HAO1: variants seen among roughly 807,000 people sequenced by gnomAD.
HAO1 encodes hydroxyacid oxidase 1, also known as 2-Hydroxyacid oxidase 1.
In HAO1, 34 loss-of-function variants were observed where a neutral mutation model predicts 39.7. The ratio of observed to expected loss-of-function variants is 0.86; its 90% CI spans 0.65 to 1.14. The LOEUF is 1.14. HAO1 is among the 50% of genes most tolerant of loss of function. The probability of loss-of-function intolerance (pLI) is 0.00; values close to 1 mark genes in which losing one functional copy is unlikely to be tolerated. For missense variants in HAO1, 479 were observed against 464.5 expected, an observed-to-expected ratio of 1.03 and a Z score of -0.29; for synonymous variants, 172 against 173.2, an observed-to-expected ratio of 0.99 and a Z score of 0.05.
At chr20:7,934,240 A>G (rs1377444016) in intron 2 of HAO1, among the ~76,000 whole-genome samples, 1 of 152,196 alleles carries the variant, frequency 6.6e-6, no homozygotes, top group Non-Finnish European at 1.5e-5. Flanking sequence ...TGAGGCAGGT[A>G]CAATTTTTGT....
In HAO1 at chr20:7,940,293, A is replaced by T. The variant is rs1184362732; in HGVS notation, c.130T>A (p.Phe44Ile). 1 of 1,600,162 alleles carries T rather than the reference A, an allele frequency of 6.2e-7. No individual in the cohort carries two copies. The change falls in exon 1 of 8, where the codon TTT becomes ATT. Residue 44 changes from phenylalanine (F) to isoleucine (I), a missense_variant. Phe to Ile is a conservative substitution (Grantham distance 21). Transcript: ENST00000378789. ...EETLADNIAA[F>I]SRWKLYPRML... ...AAAAATAAATTTTCTTACCTGGAAA[A>T]TGCTGCAATATTATCAGCCAAAGTT... is the stretch of plus-strand genomic sequence containing the variant.
chr20:7,903,315 C>G (rs1461700540), intron 4 of HAO1, among the ~76,000 whole-genome samples: 4 of 144,774 alleles, frequency 2.8e-5, no homozygotes, highest in African/African-American at 1.0e-4. Flanking sequence ...TGAGCTTTCT[C>G]TAATTAGATA....
At chr20:7,918,202 G>C (rs1371715446) in intron 2 of HAO1, among the ~76,000 whole-genome samples, 1 of 152,132 alleles carries the variant, frequency 6.6e-6, no homozygotes. Flanking sequence ...CTTCTCCCCA[G>C]AACAAATATG....
At position 7,905,084 on chromosome 20, in the gene HAO1, CAT is replaced by C. The variant is rs369008293; in HGVS notation, c.721+1068_721+1069del. Among the ~76,000 whole-genome samples, 689 of 152,302 alleles carry C rather than the reference CAT, an allele frequency of 4.5e-3. 7 individuals carry two copies. Among genetic ancestry groups the C allele is most frequent in the African/African-American group, 0.016 (658 of 41,562 alleles). ...AGATGACGGATATGCTAATTACCCT[CAT>C]ATGATTACTACACATTGTAGGTATT... On this transcript the variant is annotated intron_variant, in intron 4 of 7. Coordinates refer to ENST00000378789, the MANE Select transcript of HAO1 (RefSeq NM_017545.3).
rs139079813 is a variant in HAO1, at chr20:7,918,553, T to C, written c.290-4134A>G. Among the ~76,000 whole-genome samples the C allele has an allele frequency of 2.0e-3, 307 of 152,308 alleles. 2 individuals carry two copies. Among genetic ancestry groups the C allele is most frequent in the African/African-American group, 6.7e-3 (279 of 41,580 alleles). ...TGCTTCAATATGTCATCACTTCCTT[T>C]TCTCCCCAAGGAATCCCCAGACTTC... On this transcript the variant is annotated intron_variant, in intron 2 of 7. Transcript: ENST00000378789.
chr20:7,906,766 TA>T (rs1208473162), intron 3 of HAO1, among the ~76,000 whole-genome samples: 6 of 152,208 alleles, frequency 3.9e-5, no homozygotes, highest in African/African-American at 1.4e-4. Context: ...AATTTTTCTT[TA>T]AAAGACTCTT....
chr20:7,885,879 G>A lies in HAO1; in HGVS notation c.814-15C>T, dbSNP rs747000022. The A allele has an allele frequency of 1.2e-6, 2 of 1,607,292 alleles. No homozygotes were observed. The highest frequency in any genetic ancestry group is 1.7e-6 in the Non-Finnish European group (2 of 1,174,170). ...AGAACATCAATCTGGGGAAAGAAAA[G>A]TTCAATAATGTGACTCTATTAACAC... On this transcript the variant is annotated splice_polypyrimidine_tract_variant and intron_variant, in intron 5 of 7. Coordinates refer to ENST00000378789, the MANE Select transcript of HAO1 (RefSeq NM_017545.3).
At chr20:7,929,109 T>A (rs1268071046) in intron 2 of HAO1, among the ~76,000 whole-genome samples, 1 of 152,116 alleles carries the variant, frequency 6.6e-6, no homozygotes, top group African/African-American at 2.4e-5. Context: ...CAATTTCATC[T>A]TTTTTGGACA....
rs139572770 is a variant in HAO1 at position 7,901,516 on chromosome 20, G to A, written c.721+4638C>T. 9.1e-3 allele frequency among the ~76,000 whole-genome samples: 1,390 copies of A among 152,202 alleles called. 17 individuals are homozygous for A. Among genetic ancestry groups the A allele is most frequent in the African/African-American group, 0.03 (1,261 of 41,516 alleles). On this transcript the variant is annotated intron_variant, in intron 4 of 7. Coordinates refer to ENST00000378789, the MANE Select transcript of HAO1 (RefSeq NM_017545.3). ...TACTAAATATGTTAAGCCCACTGTC[G>A]AGACCTGCTGCTCAGAAAAAAAAAG...
At chr20:7,891,824 A>G (rs2050175568) in intron 5 of HAO1, among the ~76,000 whole-genome samples, 1 of 152,166 alleles carries the variant, frequency 6.6e-6, no homozygotes, top group Non-Finnish European at 1.5e-5. Flanking sequence ...ATTTGATTTC[A>G]GTAGATTTAT....
chr20:7,894,141 C>A (rs1220798381), intron 5 of HAO1, among the ~76,000 whole-genome samples: 4 of 152,156 alleles, frequency 2.6e-5, no homozygotes, highest in African/African-American at 9.6e-5. Context: ...CCAACGGCCC[C>A]CGGCCCCCAT....
chr20:7,912,911 G>A (rs967960091), intron 3 of HAO1, among the ~76,000 whole-genome samples: 1 of 152,138 alleles, frequency 6.6e-6, no homozygotes, highest in Non-Finnish European at 1.5e-5. Context: ...TGGCTCAACA[G>A]CAAGATTTTA....
chr20:7,930,245 C>CA (rs368447837), intron 2 of HAO1, among the ~76,000 whole-genome samples: 54 of 143,554 alleles, frequency 3.8e-4, no homozygotes, highest in Middle Eastern at 3.4e-3. Context: ...AGGAGGGTAA[C>CA]AAAAAAAAAA....
chr20:7,911,591 C>T (rs988654190), intron 3 of HAO1, among the ~76,000 whole-genome samples: 1 of 152,114 alleles, frequency 6.6e-6, no homozygotes, highest in Non-Finnish European at 1.5e-5. Flanking sequence ...AACCCCCTTG[C>T]CATTAATAAT....
intron 3 of HAO1, among the ~76,000 whole-genome samples, chr20:7,910,879 C>G (rs2050276284): frequency 6.6e-6 from 1 of 152,194 alleles, no homozygotes; most frequent in African/African-American, 2.4e-5. Context: ...ACTGACCTCT[C>G]TCCCCTGCCC....
intron 2 of HAO1, among the ~76,000 whole-genome samples, chr20:7,922,269 A>G (rs1159282361): frequency 6.6e-6 from 1 of 152,182 alleles, no homozygotes; most frequent in Non-Finnish European, 1.5e-5. Context: ...AACTGTTAGA[A>G]TGGTTATTAT....
Position 7,906,294 on chromosome 20 carries a change from G to GA in HAO1, c.580dup (p.Ser194PhefsTer3). ...GTCGTCTCCAAAATTTTCCTCAGGA[G>GA]AAAATGATAAAGTACTGGTTTCAAA... On this transcript the variant is annotated frameshift_variant, in exon 4 of 8. Transcript: ENST00000378789. LOFTEE classifies it high-confidence loss of function. The GA allele has an allele frequency of 6.2e-7, 1 of 1,611,516 alleles. No individual in the cohort carries two copies. Among genetic ancestry groups the GA allele is most frequent in the African/African-American group, 1.3e-5 (1 of 74,982 alleles).
Position 7,883,486 on chromosome 20 carries a change from T to A in HAO1, c.*107A>T, listed in dbSNP as rs2050136859. ...TGTTGGAAAAGAACGACACCCTTTG[T>A]ATTGAAGTGGGGAATTACAGACTGT... On this transcript the variant is annotated 3_prime_UTR_variant, in exon 8 of 8. Transcript: ENST00000378789. The A allele has an allele frequency of 4.8e-6, 4 of 825,364 alleles. No homozygotes were observed. Among genetic ancestry groups the A allele is most frequent in the Non-Finnish European group, 8.5e-6 (4 of 469,108 alleles). 51.1% of individuals were successfully genotyped at this position (825,364 alleles called of 1,614,324 possible).
rs1316660483 is a variant in HAO1 at position 7,883,447 on chromosome 20, A to T, written c.*146T>A. 6 of 654,104 alleles carry T rather than the reference A, an allele frequency of 9.2e-6. No homozygotes were observed. Among genetic ancestry groups the T allele is most frequent in the Non-Finnish European group, 1.1e-5 (4 of 363,034 alleles). The allele number at this position is 654,104 out of a possible 1,614,324, so 40.5% of individuals were successfully genotyped here. On this transcript the variant is annotated 3_prime_UTR_variant, in exon 8 of 8. Transcript: ENST00000378789. ...GAAAAGTCAAAAGCAATGAAATAAA[A>T]GGGATTGCTATTTTGTTGGAAAAGA...
Sources: gnomAD v4.1 joint callset for allele counts (sites outside exome capture counted in the v4.1 genomes callset) on GRCh38, gnomAD v4.1.1 for gene constraint, MANE v1.5 for transcripts, NCBI Gene and HGNC (gene_info 2026-07-23, HGNC 2026-07-21) for gene names.